Variants in NFYB observed in about 807,000 individuals in gnomAD.
NFYB encodes CAAT box DNA-binding protein subunit B.
In NFYB, 13 loss-of-function variants were observed where a neutral mutation model predicts 28.0. That is an observed-to-expected ratio of 0.46 (90% CI 0.30 to 0.74). The LOEUF is 0.74. Ranked by LOEUF, NFYB falls within the 30% of genes least tolerant of loss-of-function variation. The pLI is 0.07. For synonymous variants in NFYB, 74 were observed against 75.0 expected (o/e 0.99, Z 0.07); for missense variants, 142 against 247.6 (o/e 0.57, Z 2.86).
chr12:104,123,546 ATATGT>A (rs1422976351), intron 4 of NFYB, 123 bp from the exon 5 acceptor site: 5 of 712,074 alleles, frequency 7.0e-6, no homozygotes, highest in African/African-American at 5.4e-5. Context: ...TCTCTTAAAT[ATATGT>A]TATAACATTA....
Position 104,119,609 on chromosome 12 carries a change from G to T in NFYB, c.*128C>A. On this transcript the variant is annotated 3_prime_UTR_variant, in exon 8 of 8. Transcript: ENST00000240055. ...TAACACCTCAATTAGTCAAGCATCA[G>T]GAAGCTACATTACAGCTATTAATAT... The T allele has an allele frequency of 1.7e-6, 1 of 579,484 alleles. No individual in the cohort carries two copies. 35.9% of individuals were successfully genotyped at this position (579,484 alleles called of 1,614,324 possible).
intron 2 of NFYB, among the ~76,000 whole-genome samples, chr12:104,134,686 G>A (rs760010605): frequency 1.1e-4 from 17 of 152,302 alleles, no homozygotes; most frequent in Non-Finnish European, 2.1e-4. Flanking sequence ...CACATGAGCA[G>A]ATCGCACATT....
chr12:104,124,818 G>T (rs2030621034), intron 4 of NFYB, among the ~76,000 whole-genome samples: 2 of 152,164 alleles, frequency 1.3e-5, no homozygotes, highest in Admixed American at 6.5e-5. Flanking sequence ...CATAGCCTAT[G>T]TAAGCAATAA....
Position 104,137,207 on chromosome 12 carries a change from AC to A in NFYB, c.-80+933del, listed in dbSNP as rs1169377815. Among the ~76,000 whole-genome samples, 4 of 152,238 alleles carry A rather than the reference AC, an allele frequency of 2.6e-5. No homozygotes were observed. In the East Asian group the frequency reaches 7.7e-4, roughly 29 times the overall value. On this transcript the variant is annotated intron_variant, in intron 1 of 7. Coordinates refer to ENST00000240055, the MANE Select transcript of NFYB (RefSeq NM_006166.4). ...TTTTTTAAAGGTCGCAGGCTACCTAACCTTGTTTAAATTATCCTGTTAGAGT... is the reference window on the plus strand; with the variant it reads ...TTTTTTAAAGGTCGCAGGCTACCTAACTTGTTTAAATTATCCTGTTAGAGT...
At chr12:104,128,672 T>G in intron 2 of NFYB, 155 bp from the exon 3 acceptor site, 1 of 423,092 alleles carries the variant, frequency 2.4e-6, no homozygotes, top group Non-Finnish European at 4.2e-6. Flanking sequence ...TTTAAAAAAT[T>G]AATTATTTTT....
intron 2 of NFYB, 24 bp from the exon 3 acceptor site, chr12:104,128,541 C>A: frequency 6.5e-7 from 1 of 1,531,500 alleles, no homozygotes. Flanking sequence ...AACAGTTTTT[C>A]AATACTTTTC....
At chr12:104,129,665 G>A (rs890642130) in intron 2 of NFYB, among the ~76,000 whole-genome samples, 7 of 152,058 alleles carry the variant, frequency 4.6e-5, no homozygotes, top group African/African-American at 1.4e-4. Context: ...GATCACTTGG[G>A]CCCAGAAGTT....
chr12:104,135,554 G>GGTT, intron 1 of NFYB, 22 bp from the exon 2 acceptor site: 1 of 1,024,794 alleles, frequency 9.8e-7, no homozygotes, highest in Non-Finnish European at 1.4e-6. Context: ...ACATCTATTA[G>GGTT]GACCTAACAT....
intron 1 of NFYB, 123 bp downstream of exon 1, chr12:104,138,018 G>A (rs1469402810): frequency 2.0e-5 from 3 of 146,610 alleles, no homozygotes; most frequent in Non-Finnish European, 3.0e-5. Flanking sequence ...GAGGGCGGGA[G>A]GCTAGTGCCC....
chr12:104,130,165 T>C lies in NFYB; in HGVS notation c.7-1648A>G, dbSNP rs545542705. Among the ~76,000 whole-genome samples the C allele has an allele frequency of 5.9e-5, 9 of 152,264 alleles. No individual in the cohort carries two copies. In the East Asian group the frequency reaches 1.7e-3, roughly 29 times the overall value. ...AAAAATGTTAAATGCATTATCTGAATAAAAAGTATAGCAAAAATCAAGTGT... is the reference window on the plus strand; with the variant it reads ...AAAAATGTTAAATGCATTATCTGAACAAAAAGTATAGCAAAAATCAAGTGT... On this transcript the variant is annotated intron_variant, in intron 2 of 7. Transcript: ENST00000240055.
Position 104,126,263 on chromosome 12 carries a change from T to G in NFYB, c.101-19A>C. 1 of 1,526,638 alleles carries G rather than the reference T, an allele frequency of 6.6e-7. No homozygotes were observed. The highest frequency in any genetic ancestry group is 1.3e-5 in the South Asian group (1 of 74,872). The allele number at this position is 1,526,638 out of a possible 1,614,324, so 94.6% of individuals were successfully genotyped here. A position where few individuals can be genotyped will look rare whatever the true frequency, so the allele number is the denominator to read the frequency against. On this transcript the variant is annotated intron_variant, in intron 3 of 7. Coordinates refer to ENST00000240055, the MANE Select transcript of NFYB (RefSeq NM_006166.4). Reference sequence around the variant, plus strand: ...TCAGTATCTAAAGAAATAAAAATATTTAGGTGTAAAGCTTCTTATTATTTC... The same window carrying G: ...TCAGTATCTAAAGAAATAAAAATATGTAGGTGTAAAGCTTCTTATTATTTC...
intron 5 of NFYB, 65 bp from the exon 6 acceptor site, chr12:104,121,386 T>TA: frequency 7.4e-7 from 1 of 1,343,570 alleles, no homozygotes; most frequent in South Asian, 1.2e-5. Context: ...TGCAAATGCT[T>TA]ACTTATTGCC....
chr12:104,134,589 CACA>C (rs1415677054), intron 2 of NFYB, among the ~76,000 whole-genome samples: 1 of 152,178 alleles, frequency 6.6e-6, no homozygotes, highest in East Asian at 1.9e-4. Flanking sequence ...CTAATCTCAC[CACA>C]ACACCAGTTC....
At chr12:104,120,517 T>A in intron 6 of NFYB, 38 bp from the exon 7 acceptor site, 2 of 1,309,194 alleles carry the variant, frequency 1.5e-6, no homozygotes, top group Non-Finnish European at 2.2e-6. Flanking sequence ...GGAAATGAAC[T>A]ATATCTACTT....
At chr12:104,122,299 T>C (rs2030506127) in intron 5 of NFYB, among the ~76,000 whole-genome samples, 2 of 152,230 alleles carry the variant, frequency 1.3e-5, no homozygotes, top group African/African-American at 4.8e-5. Context: ...AGCCTCCTGG[T>C]AGTCTGAATA....
chr12:104,133,121 C>A lies in NFYB; in HGVS notation c.6+2327G>T, dbSNP rs187040673. On this transcript the variant is annotated intron_variant, in intron 2 of 7. Coordinates refer to ENST00000240055, the MANE Select transcript of NFYB (RefSeq NM_006166.4). ...TAATAATTTGTTCCACAAACAAATA[C>A]TGCCCTCTTTAATGTTTACATTTAT... 1.3e-3 allele frequency among the ~76,000 whole-genome samples: 202 copies of A among 152,280 alleles called. 1 individual carries two copies. The highest frequency in any genetic ancestry group is 4.6e-3 in the African/African-American group (190 of 41,552).
chr12:104,129,193 TAC>T (rs1414505507), intron 2 of NFYB, among the ~76,000 whole-genome samples: 1 of 152,138 alleles, frequency 6.6e-6, no homozygotes, highest in Non-Finnish European at 1.5e-5. Flanking sequence ...AGTAAAGCTG[TAC>T]ACAGTGTCAT....
chr12:104,131,080 AC>A (rs1417230143), intron 2 of NFYB: 1 of 152,264 alleles, frequency 6.6e-6, no homozygotes, highest in African/African-American at 2.4e-5. Flanking sequence ...TATAACACAA[AC>A]AAAAGTATTA....
chr12:104,135,968 T>C (rs1231459193), intron 1 of NFYB, among the ~76,000 whole-genome samples: 2 of 152,222 alleles, frequency 1.3e-5, no homozygotes, highest in Non-Finnish European at 2.9e-5. Context: ...TTTTCTTAAA[T>C]GTTTCAGAGT....
Sources: gnomAD v4.1 joint callset for allele counts (sites outside exome capture counted in the v4.1 genomes callset) on GRCh38, gnomAD v4.1.1 for gene constraint, MANE v1.5 for transcripts, NCBI Gene and HGNC (gene_info 2026-07-23, HGNC 2026-07-21) for gene names.